IKZF2: variants seen among roughly 807,000 people sequenced by gnomAD.
IKZF2 encodes zinc finger protein Helios.
In IKZF2, 15 loss-of-function variants were observed where a neutral mutation model predicts 49.2. That is an observed-to-expected ratio of 0.30 (90% CI 0.20 to 0.47). IKZF2 has a LOEUF of 0.47. Among genes scored for constraint, IKZF2 ranks in the 20% least tolerant of loss-of-function variants. IKZF2 has a pLI of 1.00. For synonymous variants in IKZF2, 227 were observed against 221.4 expected, an observed-to-expected ratio of 1.03 and a Z score of -0.23; for missense variants, 567 against 664.6, an observed-to-expected ratio of 0.85 and a Z score of 1.61.
At chr2:213,088,428 T>C (rs1672911801) in intron 4 of IKZF2, among the ~76,000 whole-genome samples, 3 of 152,178 alleles carry the variant, frequency 2.0e-5, no homozygotes, top group Admixed American at 2.0e-4. Flanking sequence ...TTATATCCAA[T>C]TTCATTCCAA....
rs144947566 is a variant in IKZF2 at position 213,062,570 on chromosome 2, C to T, written c.140-5471G>A. On this transcript the variant is annotated intron_variant, in intron 4 of 8. Coordinates refer to ENST00000434687, the MANE Select transcript of IKZF2 (RefSeq NM_001387220.1). The stretch of plus-strand genomic sequence containing the variant: ...GTGTGGAACAGAAGATAGTAAAATA[C>T]CATTCTTACTTACCAAATGAAAAAA... Among the ~76,000 whole-genome samples, 385 of 151,498 alleles carry T rather than the reference C, an allele frequency of 2.5e-3. 8 individuals carry two copies. Among genetic ancestry groups the T allele is most frequent in the Admixed American group, 0.018 (274 of 15,182 alleles).
rs1695283726 is a variant in IKZF2 at position 213,005,656 on chromosome 2, T to C, written c.*1704A>G. On this transcript the variant is annotated 3_prime_UTR_variant, in exon 9 of 9. Coordinates refer to ENST00000434687, the MANE Select transcript of IKZF2 (RefSeq NM_001387220.1). ...CTAACAGAATTTCAGTATTCACAAATGGTTATCAGATAATCCAGTCACAGT... is the reference window on the plus strand; with the variant it reads ...CTAACAGAATTTCAGTATTCACAAACGGTTATCAGATAATCCAGTCACAGT... 1 of 152,028 alleles carries C rather than the reference T, an allele frequency of 6.6e-6. No individual in the cohort carries two copies. The allele number at this position is 152,028 out of a possible 1,614,324, so 9.4% of individuals were successfully genotyped here.
intron 4 of IKZF2, among the ~76,000 whole-genome samples, chr2:213,100,591 T>A (rs1706544070): frequency 6.6e-6 from 1 of 152,008 alleles, no homozygotes; most frequent in Non-Finnish European, 1.5e-5. Context: ...TCTAACTTAA[T>A]GTTGATCTAA....
chr2:213,149,370 G>A (rs906657984), intron 2 of IKZF2, among the ~76,000 whole-genome samples: 1 of 151,722 alleles, frequency 6.6e-6, no homozygotes, highest in African/African-American at 2.4e-5. Flanking sequence ...AAAAACTTTG[G>A]GCAATTATTC....
intron 4 of IKZF2, among the ~76,000 whole-genome samples, chr2:213,074,096 C>T (rs1702991994): frequency 6.6e-6 from 1 of 152,120 alleles, no homozygotes; most frequent in African/African-American, 2.4e-5. Context: ...GAGACACATC[C>T]ATCTCTAACT....
chr2:213,131,535 C>T (rs563101674), intron 4 of IKZF2, among the ~76,000 whole-genome samples: 2 of 152,152 alleles, frequency 1.3e-5, no homozygotes, highest in East Asian at 3.9e-4. Context: ...TCTAGGTATC[C>T]CTTAAAGTGT....
intron 8 of IKZF2, among the ~76,000 whole-genome samples, chr2:213,012,477 T>G (rs954073199): frequency 6.6e-6 from 1 of 151,968 alleles, no homozygotes; most frequent in African/African-American, 2.4e-5. Flanking sequence ...AAAATCAATA[T>G]TAAAAATAAG....
rs1337318169 is a variant in IKZF2 at position 213,006,357 on chromosome 2, C to G, written c.*1003G>C. 1 of 152,454 alleles carries G rather than the reference C, an allele frequency of 6.6e-6. No homozygotes were observed. The highest frequency in any genetic ancestry group is 1.5e-5 in the Non-Finnish European group (1 of 67,976). 9.4% of individuals were successfully genotyped at this position (152,454 alleles called of 1,614,324 possible). A position where few individuals can be genotyped will look rare whatever the true frequency, so the allele number is the denominator to read the frequency against. On this transcript the variant is annotated 3_prime_UTR_variant, in exon 9 of 9. Coordinates refer to ENST00000434687, the MANE Select transcript of IKZF2 (RefSeq NM_001387220.1). Reference sequence around the variant, plus strand: ...TTTCTAAGTGGGTTTTCTCCCCCTACTGTTAGCATAATTATATTTTTCTGC... The same window carrying G: ...TTTCTAAGTGGGTTTTCTCCCCCTAGTGTTAGCATAATTATATTTTTCTGC...
intron 4 of IKZF2, among the ~76,000 whole-genome samples, chr2:213,133,405 AG>A (rs1203787754): frequency 6.6e-6 from 1 of 152,206 alleles, no homozygotes; most frequent in Non-Finnish European, 1.5e-5. Flanking sequence ...GGAGAGAAAC[AG>A]GAAAACTTGC....
chr2:213,107,055 GACACGGTAAGGAGAATGT>G (rs945748692), intron 4 of IKZF2, among the ~76,000 whole-genome samples: 2 of 152,108 alleles, frequency 1.3e-5, no homozygotes, highest in East Asian at 3.9e-4. Flanking sequence ...CATATAGAAG[GACACGGTAAGGAGAATGT>G]ACCTGTTTGT....
intron 4 of IKZF2, among the ~76,000 whole-genome samples, chr2:213,126,767 A>G (rs1398154089): frequency 1.3e-5 from 2 of 152,228 alleles, no homozygotes; most frequent in African/African-American, 2.4e-5. Flanking sequence ...CATTTCCAAT[A>G]CTGTCAAATA....
At chr2:213,124,250 GCGCACACACACACACACACACACACA>G (rs2060168370) in intron 4 of IKZF2, among the ~76,000 whole-genome samples, 2 of 93,544 alleles carry the variant, frequency 2.1e-5, no homozygotes, top group South Asian at 3.5e-4. Context: ...TCGCGCGCGC[GCGCACACACACACACACACACACACA>G]CACACACACA....
chr2:213,087,974 ATG>A (rs1704850168), intron 4 of IKZF2, among the ~76,000 whole-genome samples: 1 of 152,172 alleles, frequency 6.6e-6, no homozygotes, highest in Non-Finnish European at 1.5e-5. Flanking sequence ...ACACGTGTGC[ATG>A]TGTCTTTATA....
chr2:213,077,576 T>C (rs929418171), intron 4 of IKZF2, among the ~76,000 whole-genome samples: 10 of 144,636 alleles, frequency 6.9e-5, no homozygotes, highest in East Asian at 2.1e-4. Flanking sequence ...TACTATTCTA[T>C]GTACTTTTTT....
chr2:213,042,308 T>A (rs868405555), intron 6 of IKZF2, among the ~76,000 whole-genome samples: 2 of 152,172 alleles, frequency 1.3e-5, no homozygotes, highest in East Asian at 3.8e-4. Flanking sequence ...TGCCTCAGTG[T>A]ACAATAGGAA....
intron 4 of IKZF2, among the ~76,000 whole-genome samples, chr2:213,135,261 CAAT>C (rs1276375080): frequency 2.6e-5 from 4 of 152,136 alleles, no homozygotes; most frequent in Admixed American, 2.6e-4. Context: ...TCAGATGCCA[CAAT>C]GTCTCCTTAA....
At chr2:213,063,734 T>C (rs1366211513) in intron 4 of IKZF2, among the ~76,000 whole-genome samples, 2 of 152,032 alleles carry the variant, frequency 1.3e-5, no homozygotes, top group African/African-American at 4.8e-5. Flanking sequence ...AAATGTGAAC[T>C]TGATATCAAT....
At chr2:213,120,897 C>T (rs1456051408) in intron 4 of IKZF2, among the ~76,000 whole-genome samples, 6 of 152,090 alleles carry the variant, frequency 3.9e-5, no homozygotes, top group Admixed American at 6.6e-5. Context: ...CGTGCCACAA[C>T]GCCCAGCTAA....
At position 213,007,766 on chromosome 2, in the gene IKZF2, C is replaced by T. The variant is rs777554080; in HGVS notation, c.1175G>A (p.Arg392Gln). ...GGGAGAGGCCTCTCTTTCCTGGGGT[C>T]GACTCTTTGGTCTGATGAGAGAGAT... ...GPISLIRPKS[R>Q]PQEREASPSN... The change falls in exon 9 of 9, where the codon CGA (arginine) becomes CAA (glutamine). Residue 392 changes from arginine to glutamine, a missense_variant. By Grantham distance (43) the Arg-to-Gln change is conservative (BLOSUM62 1). Around this residue, in one of 5 missense-constraint regions of IKZF2, gnomAD observed 310 missense variants for 326.9 expected, o/e 0.95. Coordinates refer to ENST00000434687, the MANE Select transcript of IKZF2 (RefSeq NM_001387220.1). 2.9e-5 allele frequency: 46 copies of T among 1,613,456 alleles called. No homozygotes were observed. Among genetic ancestry groups the T allele is most frequent in the Admixed American group, 6.7e-5 (4 of 59,928 alleles).
Sources: allele counts gnomAD v4.1 joint callset (sites outside exome capture counted in the v4.1 genomes callset), GRCh38; gene constraint gnomAD v4.1.1; regional missense constraint gnomAD v4.1.1; transcripts MANE v1.5; gene names NCBI Gene and HGNC (gene_info 2026-07-23, HGNC 2026-07-21).